Variants in EXD3 observed in about 807,000 individuals in gnomAD.
EXD3 encodes the protein exonuclease mut-7 homolog.
A neutral mutation model predicts 98.0 loss-of-function variants in EXD3; 92 were observed. That is an observed-to-expected ratio of 0.94 (90% CI 0.79 to 1.12). The LOEUF is 1.12. Among genes scored for constraint, EXD3 ranks in the 50% most tolerant of loss-of-function variants. EXD3 has a pLI of 0.00. For synonymous variants in EXD3, 569 were observed against 526.0 expected, an observed-to-expected ratio of 1.08 and a Z score of -1.12; for missense variants, 1,222 against 1,191.6, an observed-to-expected ratio of 1.03 and a Z score of -0.38.
chr9:137,309,871 G>A (rs1386801332), intron 19 of EXD3, among the ~76,000 whole-genome samples, 171 bp from the exon 20 acceptor site: 4 of 152,192 alleles, frequency 2.6e-5, no homozygotes, highest in African/African-American at 7.2e-5. Flanking sequence ...AGGCCATACC[G>A]CCTCCTGGAA....
chr9:137,349,362 C>T lies in EXD3; in HGVS notation c.1657+7G>A, dbSNP rs371077343. On this transcript the variant is annotated splice_region_variant and intron_variant, in intron 15 of 21. Coordinates refer to ENST00000340951, the MANE Select transcript of EXD3 (RefSeq NM_017820.5). This position sits in a 1 kb window ranked among gnomAD's most constrained non-coding sequence, Gnocchi z 7.4. ...GAGGGGTCACTCCCACCCGCCGCAC[C>T]GCACACCTGCGTAGATGACCTGCTC... The T allele has an allele frequency of 1.4e-4, 221 of 1,577,998 alleles. No homozygotes were observed. The African/African-American group carries it at 2.6e-3, about 18-fold the overall frequency.
intron 17 of EXD3, among the ~76,000 whole-genome samples, chr9:137,339,295 G>A (rs889707709): frequency 1.3e-4 from 20 of 151,918 alleles, no homozygotes; most frequent in African/African-American, 4.8e-4. Context: ...ATGTATTTAT[G>A]AGGCCAGAAA....
intron 17 of EXD3, among the ~76,000 whole-genome samples, chr9:137,340,545 T>A (rs1305435510): frequency 1.3e-5 from 2 of 151,940 alleles, no homozygotes; most frequent in African/African-American, 4.8e-5. Flanking sequence ...TTCTTTTTTT[T>A]AATGAGGTCT....
intron 1 of EXD3, among the ~76,000 whole-genome samples, chr9:137,417,167 G>C (rs1276669481): frequency 6.6e-6 from 1 of 152,198 alleles, no homozygotes; most frequent in Non-Finnish European, 1.5e-5. Flanking sequence ...CAGACGCCGG[G>C]GGAGAAGTCA....
At position 137,393,654 on chromosome 9, in the gene EXD3, C is replaced by T. The variant is rs1003166081; in HGVS notation, c.55+1649G>A. ...GAAGCCCCTGGAGGGGTCCAAGGCC[C>T]GAGGAGGCAACTGCGTGGGATAGGG... On this transcript the variant is annotated intron_variant, in intron 2 of 21. Transcript: ENST00000340951. The surrounding 1 kb of genome is among the most constrained non-coding windows in gnomAD (Gnocchi z 4.6). Among the ~76,000 whole-genome samples, 2 of 152,150 alleles carry T rather than the reference C, an allele frequency of 1.3e-5. No homozygotes were observed. Among genetic ancestry groups the T allele is most frequent in the Admixed American group, 1.3e-4 (2 of 15,284 alleles).
intron 3 of EXD3, among the ~76,000 whole-genome samples, chr9:137,379,268 G>T (rs376012638): frequency 1.1e-3 from 45 of 41,206 alleles, no homozygotes; most frequent in East Asian, 2.7e-3. Flanking sequence ...GTCTGTGTGA[G>T]GGGTACGGGG....
chr9:137,353,386 G>A, intron 10 of EXD3: 2 of 985,378 alleles, frequency 2.0e-6, no homozygotes, highest in Non-Finnish European at 2.4e-6. Context: ...TGCCCAGCCT[G>A]CCCCATCTCC....
intron 17 of EXD3, among the ~76,000 whole-genome samples, chr9:137,330,136 A>C (rs866794587): frequency 1.7e-4 from 17 of 98,062 alleles, no homozygotes; most frequent in African/African-American, 3.1e-4. Context: ...GGAGCTACAC[A>C]GGAACTACAC....
At chr9:137,398,852 GACAC>G (rs1309161615) in intron 1 of EXD3, among the ~76,000 whole-genome samples, 2 of 144,248 alleles carry the variant, frequency 1.4e-5, no homozygotes, top group South Asian at 4.5e-4. Context: ...GCATCCCCAA[GACAC>G]ACAGGCACCC....
rs1836274807 is a variant in EXD3, at chr9:137,381,600, G to A, written c.120+1713C>T. On this transcript the variant is annotated intron_variant, in intron 3 of 21. Transcript: ENST00000340951. ...CTCCCAGGCTGCTCTCACCCGCCCG[G>A]TGTGCTGGCTCCTCTCTCACGTTAG... Among the ~76,000 whole-genome samples the A allele has an allele frequency of 2.6e-5, 4 of 152,132 alleles. No homozygotes were observed. The South Asian group carries it at 8.3e-4, about 32-fold the overall frequency.
chr9:137,373,974 A>G (rs1406421625), intron 3 of EXD3, among the ~76,000 whole-genome samples: 2 of 152,290 alleles, frequency 1.3e-5, no homozygotes, highest in Non-Finnish European at 2.9e-5. Flanking sequence ...ACTGAAAGGC[A>G]AGAACCGAAA....
chr9:137,368,276 C>T (rs1835375762), intron 5 of EXD3, among the ~76,000 whole-genome samples: 1 of 152,198 alleles, frequency 6.6e-6, no homozygotes, highest in Admixed American at 6.5e-5. Flanking sequence ...CAGCCTGGGT[C>T]CCAGGGCCTT....
intron 19 of EXD3, among the ~76,000 whole-genome samples, chr9:137,312,230 A>C (rs1480215436): frequency 2.1e-5 from 3 of 142,208 alleles, no homozygotes; most frequent in African/African-American, 7.6e-5. Flanking sequence ...CCTCCACCCC[A>C]CCCCCTCCAG....
In EXD3 at chr9:137,329,748, TACACGGGACTACACGGGGTC is replaced by T. The variant is rs1418369131; in HGVS notation, c.1999-5625_1999-5606del. ...GGGACTACACGGGGTCACACGGGAC[TACACGGGACTACACGGGGTC>T]ACACGGGACTACACGGGACTACACG... On this transcript the variant is annotated intron_variant, in intron 17 of 21. Coordinates refer to ENST00000340951, the MANE Select transcript of EXD3 (RefSeq NM_017820.5). 2.8e-4 allele frequency among the ~76,000 whole-genome samples: 9 copies of T among 32,154 alleles called. 2 individuals are homozygous for T. The highest frequency in any genetic ancestry group is 3.6e-4 in the Admixed American group (1 of 2,772). The allele number at this position is 32,154 out of a possible 152,430, so 21.1% of individuals were successfully genotyped here.
chr9:137,327,829 C>A (rs376298075), intron 17 of EXD3, among the ~76,000 whole-genome samples: 10 of 34,840 alleles, frequency 2.9e-4, no homozygotes, highest in East Asian at 9.4e-4. Flanking sequence ...AATATACACC[C>A]ATATGATGAG....
chr9:137,389,219 A>G (rs1362483038), intron 2 of EXD3, among the ~76,000 whole-genome samples: 1 of 152,140 alleles, frequency 6.6e-6, no homozygotes, highest in Non-Finnish European at 1.5e-5. Context: ...AGAGGCGGCA[A>G]CGAGACCCCA....
chr9:137,418,709 GAAC>G (rs936350183), intron 1 of EXD3, among the ~76,000 whole-genome samples: 13 of 151,628 alleles, frequency 8.6e-5, no homozygotes, highest in African/African-American at 2.7e-4. Flanking sequence ...TTTTTCTTTT[GAAC>G]AACATTTCGT....
intron 1 of EXD3, among the ~76,000 whole-genome samples, chr9:137,411,104 G>A (rs1050166737): frequency 6.6e-6 from 1 of 152,232 alleles, no homozygotes; most frequent in South Asian, 2.1e-4. Flanking sequence ...CTGGACCACC[G>A]CAGAACCTGT....
At chr9:137,356,510 G>A (rs139637008) in intron 7 of EXD3, 142 bp from the exon 8 acceptor site, 44 of 613,828 alleles carry the variant, frequency 7.2e-5, no homozygotes, top group Middle Eastern at 4.3e-4. Context: ...ACCGCCCCCC[G>A]CCCACCCCAT....
Sources: allele counts gnomAD v4.1 joint callset (sites outside exome capture counted in the v4.1 genomes callset), GRCh38; gene constraint gnomAD v4.1.1; non-coding constraint Gnocchi (gnomAD v3.1); transcripts MANE v1.5; gene names NCBI Gene and HGNC (gene_info 2026-07-23, HGNC 2026-07-21).